Variants in SNTG1 observed in about 807,000 individuals in gnomAD.
SNTG1 encodes the protein syntrophin gamma 1.
A neutral mutation model predicts 74.7 loss-of-function variants in SNTG1; 39 were observed. The ratio of observed to expected loss-of-function variants is 0.52; its 90% CI spans 0.40 to 0.68. The LOEUF is 0.68. SNTG1 is among the 30% of genes least tolerant of loss of function. The pLI is 0.00. For missense variants in SNTG1, 685 were observed against 609.5 expected (o/e 1.12, Z -1.30); for synonymous variants, 254 against 217.1 (o/e 1.17, Z -1.49).
Position 50,522,070 on chromosome 8 carries a change from G to C in SNTG1, c.467-8107G>C, listed in dbSNP as rs376905217. 6.6e-5 allele frequency among the ~76,000 whole-genome samples: 10 copies of C among 152,130 alleles called. No homozygotes were observed. The East Asian group carries it at 1.9e-3, about 29-fold the overall frequency. On this transcript the variant is annotated intron_variant, in intron 9 of 18. Coordinates refer to ENST00000642720, the MANE Select transcript of SNTG1 (RefSeq NM_018967.5). ...GAAGGTTTTCAATTGATTTTGCCCAGGTCCATCAGAGTAATCCCCATCTAT... is the reference window on the plus strand; with the variant it reads ...GAAGGTTTTCAATTGATTTTGCCCACGTCCATCAGAGTAATCCCCATCTAT...
intron 15 of SNTG1, among the ~76,000 whole-genome samples, chr8:50,687,092 G>A (rs535682485): frequency 2.3e-4 from 35 of 149,444 alleles, no homozygotes; most frequent in Non-Finnish European, 3.7e-4. Context: ...CCGAGATTGC[G>A]CCACTGCAGT....
At chr8:50,046,883 A>G (rs1411555893) in intron 1 of SNTG1, among the ~76,000 whole-genome samples, 2 of 152,146 alleles carry the variant, frequency 1.3e-5, no homozygotes, top group Non-Finnish European at 2.9e-5. Flanking sequence ...TAGCCTTTAT[A>G]CAAATAAGTT....
intron 17 of SNTG1, among the ~76,000 whole-genome samples, chr8:50,740,669 A>C (rs550779135): frequency 6.6e-6 from 1 of 152,020 alleles, no homozygotes; most frequent in African/African-American, 2.4e-5. Context: ...AGATTGTTCT[A>C]TCATAAAGAG....
intron 1 of SNTG1, among the ~76,000 whole-genome samples, chr8:50,118,329 A>G (rs1361175183): frequency 6.6e-6 from 1 of 152,170 alleles, no homozygotes; most frequent in Non-Finnish European, 1.5e-5. Context: ...TACATGTACC[A>G]TGATTTTCAA....
At chr8:50,505,927 A>T (rs1412735334) in intron 9 of SNTG1, among the ~76,000 whole-genome samples, 1 of 152,064 alleles carries the variant, frequency 6.6e-6, no homozygotes, top group Non-Finnish European at 1.5e-5. Flanking sequence ...TAATTGCCAA[A>T]TCCAATGTCA....
chr8:50,401,828 A>G (rs1009536598), intron 3 of SNTG1, among the ~76,000 whole-genome samples: 1 of 152,140 alleles, frequency 6.6e-6, no homozygotes, highest in Admixed American at 6.5e-5. Context: ...AAATACATGA[A>G]TTGTACATTT....
chr8:50,612,872 T>A (rs1191092362), intron 13 of SNTG1, among the ~76,000 whole-genome samples: 1 of 152,080 alleles, frequency 6.6e-6, no homozygotes, highest in Non-Finnish European at 1.5e-5. Flanking sequence ...GACATGAATA[T>A]CTTGCAGCAG....
chr8:50,298,465 C>T (rs995938292), intron 2 of SNTG1, among the ~76,000 whole-genome samples: 1 of 152,122 alleles, frequency 6.6e-6, no homozygotes, highest in African/African-American at 2.4e-5. Context: ...TCTTCACCCC[C>T]TGCCCATGCA....
intron 4 of SNTG1, among the ~76,000 whole-genome samples, chr8:50,435,964 C>T (rs1399365014): frequency 1.3e-5 from 2 of 152,010 alleles, no homozygotes; most frequent in Non-Finnish European, 2.9e-5. Context: ...TTTTGAGGAC[C>T]CTGCGATGCT....
chr8:50,778,693 A>G (rs2095648809), intron 18 of SNTG1, among the ~76,000 whole-genome samples: 1 of 143,598 alleles, frequency 7.0e-6, no homozygotes, highest in African/African-American at 2.9e-5. Context: ...GCTGTGCAGA[A>G]GCTCTTTAGT....
At chr8:50,681,663 G>A (rs2095331470) in intron 15 of SNTG1, among the ~76,000 whole-genome samples, 1 of 152,186 alleles carries the variant, frequency 6.6e-6, no homozygotes, top group Non-Finnish European at 1.5e-5. Context: ...AGGACCGAAA[G>A]CCTCAGAATG....
At chr8:50,033,133 G>A (rs978927903) in intron 1 of SNTG1, among the ~76,000 whole-genome samples, 2 of 122,308 alleles carry the variant, frequency 1.6e-5, no homozygotes, top group African/African-American at 3.2e-5. Flanking sequence ...TTTTTTTTTT[G>A]AGACGGAGTT....
At chr8:49,991,532 A>G (rs1368604136) in intron 1 of SNTG1, among the ~76,000 whole-genome samples, 1 of 152,208 alleles carries the variant, frequency 6.6e-6, no homozygotes, top group African/African-American at 2.4e-5. Flanking sequence ...TAACCTAAAT[A>G]TCCATCAACT....
intron 4 of SNTG1, among the ~76,000 whole-genome samples, chr8:50,423,685 A>T (rs1007377437): frequency 1.3e-5 from 2 of 152,236 alleles, no homozygotes; most frequent in East Asian, 3.8e-4. Context: ...TCAGTAAATT[A>T]AAGCTCAGTA....
chr8:50,051,891 C>A (rs368095910), intron 1 of SNTG1, among the ~76,000 whole-genome samples: 14 of 151,958 alleles, frequency 9.2e-5, no homozygotes, highest in African/African-American at 3.4e-4. Context: ...ATTCTGGGAA[C>A]CACAAGATAC....
intron 2 of SNTG1, among the ~76,000 whole-genome samples, chr8:50,369,724 C>T (rs1376613892): frequency 6.6e-6 from 1 of 152,170 alleles, no homozygotes; most frequent in East Asian, 1.9e-4. Context: ...CCAAAGCCCA[C>T]TGGAACTTGA....
intron 2 of SNTG1, among the ~76,000 whole-genome samples, chr8:50,261,083 A>C (rs2087168832): frequency 6.6e-6 from 1 of 152,216 alleles, no homozygotes. Context: ...ACATTGCAAA[A>C]GAACTACATC....
In SNTG1 at chr8:50,605,285, T is replaced by TGGC. The variant is rs560970112; in HGVS notation, c.849+14369_849+14371dup. On this transcript the variant is annotated intron_variant, in intron 13 of 18. Coordinates refer to ENST00000642720, the MANE Select transcript of SNTG1 (RefSeq NM_018967.5). ...TAGGTCAGGTGTTTCCCTGTTCCAC[T>TGGC]GGCTCTAAGCCCAGCCTAGCACTAG... Among the ~76,000 whole-genome samples, 46 of 152,026 alleles carry TGGC rather than the reference T, an allele frequency of 3.0e-4. No homozygotes were observed. The South Asian group carries it at 9.1e-3, about 30-fold the overall frequency.
intron 11 of SNTG1, among the ~76,000 whole-genome samples, chr8:50,542,851 G>A (rs145590742): frequency 7.8e-4 from 119 of 152,206 alleles, no homozygotes; most frequent in African/African-American, 2.8e-3. Flanking sequence ...GTGATATTGA[G>A]CAATTTTTCA....
Sources: gnomAD v4.1 joint callset for allele counts (sites outside exome capture counted in the v4.1 genomes callset) on GRCh38, gnomAD v4.1.1 for gene constraint, MANE v1.5 for transcripts, NCBI Gene and HGNC (gene_info 2026-07-23, HGNC 2026-07-21) for gene names.